MACROD2: variants seen among roughly 807,000 people sequenced by gnomAD.
MACROD2 encodes the protein ADP-ribose glycohydrolase MACROD2.
Under a neutral mutation model 70.4 loss-of-function variants are expected in MACROD2, and 36 were observed. The observed-to-expected ratio is 0.51, with a 90% CI of 0.39 to 0.68. MACROD2 has a LOEUF of 0.68. Among genes scored for constraint, MACROD2 ranks in the 30% least tolerant of loss-of-function variants. The probability of loss-of-function intolerance (pLI) is 0.00; values close to 1 mark genes in which losing one functional copy is unlikely to be tolerated. For synonymous variants in MACROD2, 172 were observed against 178.8 expected (o/e 0.96, Z 0.30); for missense variants, 496 against 538.4 (o/e 0.92, Z 0.78).
At chr20:15,088,454 ATTTT>A (rs2075769569) in intron 5 of MACROD2, among the ~76,000 whole-genome samples, 1 of 106,162 alleles carries the variant, frequency 9.4e-6, no homozygotes, top group African/African-American at 4.0e-5. Flanking sequence ...TATATATAAT[ATTTT>A]GTGTGTGTGT....
intron 4 of MACROD2, among the ~76,000 whole-genome samples, chr20:14,635,043 A>C (rs1984714891): frequency 6.6e-6 from 1 of 152,162 alleles, no homozygotes; most frequent in Admixed American, 6.5e-5. Context: ...GAGTGCAATG[A>C]GGATATGGAG....
chr20:15,628,440 T>C (rs1216624768), intron 8 of MACROD2, among the ~76,000 whole-genome samples: 5 of 152,224 alleles, frequency 3.3e-5, no homozygotes, highest in African/African-American at 1.2e-4. Flanking sequence ...GCAGCTCTTC[T>C]CTAATTGAAG....
intron 2 of MACROD2, among the ~76,000 whole-genome samples, chr20:14,084,202 G>A (rs1272893535): frequency 6.6e-6 from 1 of 151,256 alleles, no homozygotes; most frequent in East Asian, 1.9e-4. Context: ...TTTTTTTTGG[G>A]GAGGGTGTAT....
At chr20:15,456,351 T>G (rs991449670) in intron 7 of MACROD2, among the ~76,000 whole-genome samples, 4 of 152,192 alleles carry the variant, frequency 2.6e-5, no homozygotes, top group African/African-American at 9.6e-5. Flanking sequence ...CGCAAGCAGT[T>G]TGGAGTTCTC....
intron 8 of MACROD2, among the ~76,000 whole-genome samples, chr20:15,851,289 G>T (rs1178367799): frequency 6.6e-6 from 1 of 151,744 alleles, no homozygotes; most frequent in Non-Finnish European, 1.5e-5. Flanking sequence ...CAGGAGTGGG[G>T]AAAGTGTCTT....
At chr20:14,675,891 G>C (rs905292229) in intron 4 of MACROD2, among the ~76,000 whole-genome samples, 1 of 151,952 alleles carries the variant, frequency 6.6e-6, no homozygotes, top group African/African-American at 2.4e-5. Context: ...AAAAGCAAGG[G>C]TTGCAATCCT....
At position 14,216,559 on chromosome 20, in the gene MACROD2, G is replaced by C. The variant is rs1601359294; in HGVS notation, c.271+130831G>C. Among the ~76,000 whole-genome samples, 3 of 152,130 alleles carry C rather than the reference G, an allele frequency of 2.0e-5. 1 individual carries two copies. The South Asian group carries it at 6.2e-4, about 32-fold the overall frequency. The stretch of plus-strand genomic sequence containing the variant: ...CTGTGAAGAATGATGGTGGTATTTT[G>C]ATGGGGATTGCACTAAATTTGTAGA... On this transcript the variant is annotated intron_variant, in intron 3 of 17. Transcript: ENST00000684519.
chr20:14,773,746 G>A (rs2072200374), intron 5 of MACROD2, among the ~76,000 whole-genome samples: 1 of 152,010 alleles, frequency 6.6e-6, no homozygotes, highest in African/African-American at 2.4e-5. Flanking sequence ...CTGACATCAA[G>A]TATGGTGCCT....
chr20:14,252,233 A>T (rs1390922282), intron 3 of MACROD2, among the ~76,000 whole-genome samples: 2 of 151,998 alleles, frequency 1.3e-5, no homozygotes, highest in Admixed American at 1.3e-4. Context: ...TATCCAAATC[A>T]GGTCTCTCCA....
chr20:15,487,628 A>T (rs193298849), intron 7 of MACROD2, among the ~76,000 whole-genome samples: 5 of 152,276 alleles, frequency 3.3e-5, no homozygotes, highest in Non-Finnish European at 4.4e-5. Context: ...ACGTGCTACC[A>T]GCGGATGAAG....
intron 4 of MACROD2, among the ~76,000 whole-genome samples, chr20:14,564,940 G>A (rs1001184092): frequency 6.6e-6 from 1 of 151,828 alleles, no homozygotes; most frequent in Non-Finnish European, 1.5e-5. Flanking sequence ...CAACCTAAAT[G>A]TTGATCGAGG....
chr20:14,742,806 G>A (rs924815045), intron 5 of MACROD2, among the ~76,000 whole-genome samples: 7 of 149,058 alleles, frequency 4.7e-5, no homozygotes, highest in Admixed American at 6.7e-5. Flanking sequence ...TCACTCTGTC[G>A]CCCAGGCTGG....
intron 5 of MACROD2, among the ~76,000 whole-genome samples, chr20:15,178,505 G>A (rs1348679249): frequency 2.6e-5 from 4 of 152,198 alleles, no homozygotes; most frequent in Non-Finnish European, 5.9e-5. Context: ...ACCTATGCAT[G>A]CATATAACCC....
At chr20:14,550,068 G>A (rs1361466174) in intron 4 of MACROD2, among the ~76,000 whole-genome samples, 2 of 151,748 alleles carry the variant, frequency 1.3e-5, no homozygotes, top group Non-Finnish European at 1.5e-5. Flanking sequence ...GATTACAGGC[G>A]GGTGCCACCA....
chr20:14,385,769 G>A (rs6042702), intron 3 of MACROD2, among the ~76,000 whole-genome samples: 150,530 of 152,296 alleles, frequency 0.99, 74,411 homozygotes, highest in Middle Eastern at 1. Context: ...ATGATATGTT[G>A]CTTTTCAGCC....
intron 8 of MACROD2, among the ~76,000 whole-genome samples, chr20:15,543,066 T>C (rs2047979406): frequency 6.6e-6 from 1 of 152,206 alleles, no homozygotes; most frequent in African/African-American, 2.4e-5. Context: ...TTTTTTAATC[T>C]CTTGAGAACT....
chr20:15,805,523 C>A (rs1333060113), intron 8 of MACROD2, among the ~76,000 whole-genome samples: 6 of 150,786 alleles, frequency 4.0e-5, no homozygotes, highest in African/African-American at 1.2e-4. Context: ...TTTGCCCAGG[C>A]TGGAGTGCAA....
At chr20:14,299,317 A>G (rs995266743) in intron 3 of MACROD2, among the ~76,000 whole-genome samples, 1 of 152,198 alleles carries the variant, frequency 6.6e-6, no homozygotes, top group East Asian at 1.9e-4. Flanking sequence ...TAATTGAGAT[A>G]TATACATATT....
intron 8 of MACROD2, among the ~76,000 whole-genome samples, chr20:15,703,968 T>C (rs1600782915): frequency 1.3e-5 from 2 of 152,176 alleles, no homozygotes; most frequent in South Asian, 4.1e-4. Flanking sequence ...ATTTCAGCAA[T>C]ATTATATTTT....
Sources: allele counts gnomAD v4.1 joint callset (sites outside exome capture counted in the v4.1 genomes callset), GRCh38; gene constraint gnomAD v4.1.1; transcripts MANE v1.5; gene names NCBI Gene and HGNC (gene_info 2026-07-23, HGNC 2026-07-21).